SI: variants seen among roughly 807,000 people sequenced by gnomAD.
The protein encoded by SI is sucrase-isomaltase.
Under a neutral mutation model 253.3 loss-of-function variants are expected in SI, and 235 were observed. The ratio of observed to expected loss-of-function variants is 0.93; its 90% CI spans 0.83 to 1.03. SI has a LOEUF of 1.03. SI is among the 50% of genes least tolerant of loss of function. The pLI is 0.00. For synonymous variants in SI, 819 were observed against 712.0 expected (o/e 1.15, Z -2.39); for missense variants, 2,442 against 2,211.1 (o/e 1.10, Z -2.09).
chr3:165,035,806 C>A (rs892615662), intron 22 of SI, among the ~76,000 whole-genome samples: 3 of 151,384 alleles, frequency 2.0e-5, no homozygotes, highest in African/African-American at 7.3e-5. Flanking sequence ...TAGTTAAATA[C>A]AAATAGACAA....
chr3:165,075,808 G>A (rs1486200514), intron 2 of SI, 87 bp downstream of exon 2: 3 of 836,948 alleles, frequency 3.6e-6, no homozygotes, highest in Non-Finnish European at 6.1e-6. Flanking sequence ...ATCTTACACA[G>A]ATTATTTTTT....
At chr3:165,029,649 A>G (rs1448927493) in intron 25 of SI, among the ~76,000 whole-genome samples, 6 of 109,432 alleles carry the variant, frequency 5.5e-5, no homozygotes, top group African/African-American at 1.3e-4. Context: ...TATATATAAC[A>G]TTAAAATTAT....
In SI at chr3:165,063,552, A is replaced by T; in HGVS notation, c.808-11T>A. On this transcript the variant is annotated splice_polypyrimidine_tract_variant and intron_variant, in intron 7 of 47. Coordinates refer to ENST00000264382, the MANE Select transcript of SI (RefSeq NM_001041.4). ...TAAATTATTATTATTCTATAAGGCA[A>T]GAATTTGAAAATACGATTTTCAAAT... 1.7e-6 allele frequency: 2 copies of T among 1,183,030 alleles called. No homozygotes were observed. Among genetic ancestry groups the T allele is most frequent in the Non-Finnish European group, 2.5e-6 (2 of 796,390 alleles). The allele number at this position is 1,183,030 out of a possible 1,614,324, so 73.3% of individuals were successfully genotyped here.
intron 7 of SI, among the ~76,000 whole-genome samples, chr3:165,064,183 C>T (rs1010435047): frequency 6.6e-6 from 1 of 151,996 alleles, no homozygotes; most frequent in Admixed American, 6.6e-5. Flanking sequence ...ACTGCAGGAG[C>T]TTCCAAAATG....
intron 6 of SI, among the ~76,000 whole-genome samples, chr3:165,066,624 T>A (rs1714260763): frequency 6.6e-6 from 1 of 151,970 alleles, no homozygotes; most frequent in African/African-American, 2.4e-5. Flanking sequence ...TCCTACTTTC[T>A]GCTTCTATGA....
At chr3:165,068,952 C>A (rs1201232153) in intron 4 of SI, 121 bp from the exon 5 acceptor site, 3 of 1,000,720 alleles carry the variant, frequency 3.0e-6, no homozygotes, top group Non-Finnish European at 4.7e-6. Flanking sequence ...TACAATCATG[C>A]AAAAATAAGG....
chr3:165,001,278 G>T (rs1379342669), intron 37 of SI, among the ~76,000 whole-genome samples: 1 of 151,246 alleles, frequency 6.6e-6, no homozygotes, highest in Non-Finnish European at 1.5e-5. Flanking sequence ...AGAAAAGAAA[G>T]TTATTACAGA....
At chr3:165,053,940 C>A (rs1025265003) in intron 13 of SI, among the ~76,000 whole-genome samples, 3 of 151,750 alleles carry the variant, frequency 2.0e-5, no homozygotes, top group Non-Finnish European at 4.4e-5. Flanking sequence ...GGTGTGATAT[C>A]ACTGATTTTA....
At chr3:165,011,456 G>T (rs1285191727) in intron 34 of SI, among the ~76,000 whole-genome samples, 1 of 151,882 alleles carries the variant, frequency 6.6e-6, no homozygotes, top group Non-Finnish European at 1.5e-5. Flanking sequence ...ATTTCATTGT[G>T]GCTGGGAAAG....
At chr3:165,026,614 C>G (rs1711934964) in intron 25 of SI, among the ~76,000 whole-genome samples, 1 of 151,272 alleles carries the variant, frequency 6.6e-6, no homozygotes, top group Admixed American at 6.6e-5. Context: ...GAAATTATAT[C>G]AAGCACTCTC....
chr3:164,987,125 A>AT lies in SI; in HGVS notation c.5197+12dup, dbSNP rs774761194. The AT allele has an allele frequency of 3.1e-6, 5 of 1,591,296 alleles. No homozygotes were observed. The highest frequency in any genetic ancestry group is 4.3e-6 in the Non-Finnish European group (5 of 1,159,698). ...GACATCAATTAAATTTATCTACTAA[A>AT]TCGAGCACTCACCTATACTCTCTCC... On this transcript the variant is annotated intron_variant, in intron 45 of 47. Coordinates refer to ENST00000264382, the MANE Select transcript of SI (RefSeq NM_001041.4).
chr3:165,006,310 A>G (rs1478428967), intron 37 of SI, among the ~76,000 whole-genome samples: 1 of 151,916 alleles, frequency 6.6e-6, no homozygotes, highest in African/African-American at 2.4e-5. Flanking sequence ...AGGTTTCACC[A>G]TTTTGGCCAG....
At chr3:165,072,632 A>G (rs1285187699) in intron 3 of SI, among the ~76,000 whole-genome samples, 1 of 152,074 alleles carries the variant, frequency 6.6e-6, no homozygotes, top group Non-Finnish European at 1.5e-5. Flanking sequence ...GAAAATTATG[A>G]CATGCTAGTT....
At chr3:165,049,022 T>A (rs1713287262) in intron 15 of SI, 105 bp downstream of exon 15, 2 of 641,144 alleles carry the variant, frequency 3.1e-6, no homozygotes, top group Non-Finnish European at 5.4e-6. Context: ...ATTATCTTTC[T>A]TTTTTCAACT....
chr3:165,048,415 A>T (rs1005343495), intron 15 of SI, among the ~76,000 whole-genome samples: 2 of 151,146 alleles, frequency 1.3e-5, no homozygotes, highest in African/African-American at 4.9e-5. Context: ...ATAGTTAAAG[A>T]CCTGTTCTTG....
chr3:165,033,289 A>C, intron 23 of SI, 106 bp downstream of exon 23: 1 of 928,416 alleles, frequency 1.1e-6, no homozygotes, highest in Non-Finnish European at 1.5e-6. Flanking sequence ...TTCCATTAAA[A>C]TCTGTAGGCA....
intron 20 of SI, among the ~76,000 whole-genome samples, chr3:165,038,502 G>A (rs1383491767): frequency 1.3e-5 from 2 of 149,804 alleles, no homozygotes; most frequent in Non-Finnish European, 1.5e-5. Context: ...AAGGTCAGGA[G>A]ATCGAGACTA....
intron 11 of SI, 29 bp downstream of exon 11, chr3:165,059,139 A>C (rs750667203): frequency 2.4e-5 from 39 of 1,611,772 alleles, no homozygotes; most frequent in Non-Finnish European, 3.2e-5. Context: ...TAAACACTAA[A>C]AATGTATTAA....
chr3:164,997,605 A>T (rs1237752871), intron 38 of SI, among the ~76,000 whole-genome samples: 1 of 151,700 alleles, frequency 6.6e-6, no homozygotes, highest in African/African-American at 2.4e-5. Context: ...TAAGCATAGT[A>T]CTTGACAGGC....
Sources: gnomAD v4.1 joint callset for allele counts (sites outside exome capture counted in the v4.1 genomes callset) on GRCh38, gnomAD v4.1.1 for gene constraint, MANE v1.5 for transcripts, NCBI Gene and HGNC (gene_info 2026-07-23, HGNC 2026-07-21) for gene names.